B9D1: variants seen among roughly 807,000 people sequenced by gnomAD.
B9D1 encodes B9 domain containing 1.
In B9D1, 20 loss-of-function variants were observed where a neutral mutation model predicts 26.1. The ratio of observed to expected loss-of-function variants is 0.77; its 90% CI spans 0.54 to 1.12. B9D1 has a LOEUF of 1.12. B9D1 is among the 50% of genes most tolerant of loss of function. The pLI, the probability that B9D1 is intolerant of heterozygous loss-of-function variation, is 0.00. For synonymous variants in B9D1, 105 were observed against 103.1 expected (o/e 1.02, Z -0.11); for missense variants, 260 against 273.7 (o/e 0.95, Z 0.35).
chr17:19,351,348 T>C (rs1909582249), intron 3 of B9D1, among the ~76,000 whole-genome samples: 1 of 152,184 alleles, frequency 6.6e-6, no homozygotes, highest in South Asian at 2.1e-4. Context: ...ATATTATCCT[T>C]TTTTTATCTT....
chr17:19,360,356 G>A lies in B9D1; in HGVS notation c.96C>T (p.Tyr32=), dbSNP rs2152276201. 6.2e-7 allele frequency: 1 copy of A among 1,613,962 alleles called. No homozygotes were observed. Among genetic ancestry groups the A allele is most frequent in the Non-Finnish European group, 8.5e-7 (1 of 1,180,026 alleles). The part of the protein sequence containing the change: ...FPEYDDLYCK[Y]CFVYGQDWAP... Reference sequence around the variant, plus strand: ...CCCAGTCCTGGCCGTACACAAAGCAGTACTTGCAGTAGAGGTCATCATACT... The same window carrying A: ...CCCAGTCCTGGCCGTACACAAAGCAATACTTGCAGTAGAGGTCATCATACT... The change falls in exon 2 of 7, where the codon TAC becomes TAT. Residue 32 remains tyrosine (Y), a synonymous_variant. Coordinates refer to ENST00000261499, the MANE Select transcript of B9D1 (RefSeq NM_015681.6).
At chr17:19,342,106 A>G (rs202109299), downstream of B9D1, among the ~76,000 whole-genome samples, 33 of 152,296 alleles carry the variant, frequency 2.2e-4, no homozygotes, top group East Asian at 6.0e-3. Flanking sequence ...AGGCAAGGAC[A>G]CACCCCTGCT....
intron 3 of B9D1, among the ~76,000 whole-genome samples, chr17:19,352,917 T>A (rs930180807): frequency 1.4e-5 from 2 of 144,800 alleles, no homozygotes; most frequent in Non-Finnish European, 3.0e-5. Context: ...ATCCACCCGT[T>A]TTGGCCTCCG....
chr17:19,341,875 G>C (rs1318149570), downstream of B9D1, among the ~76,000 whole-genome samples: 1 of 152,166 alleles, frequency 6.6e-6, no homozygotes, highest in Admixed American at 6.5e-5. Flanking sequence ...AAGGAAAGAG[G>C]GGCTGATGGT....
Position 19,356,511 on chromosome 17 carries a change from T to G in B9D1, c.244+1329A>C, listed in dbSNP as rs1245734307. On this transcript the variant is annotated intron_variant, in intron 3 of 6. Transcript: ENST00000261499. ...AGCTGAAATCCCTGTGAGGCTGCTC[T>G]GCTTCCATCTCTCCCTTATTCCTAG... 1.1e-4 allele frequency among the ~76,000 whole-genome samples: 17 copies of G among 152,332 alleles called. No individual in the cohort carries two copies. The East Asian group carries it at 3.3e-3, about 29-fold the overall frequency.
At chr17:19,338,639 C>T (rs1907659156), downstream of B9D1, among the ~76,000 whole-genome samples, 2 of 152,322 alleles carry the variant, frequency 1.3e-5, no homozygotes, top group South Asian at 4.1e-4. Context: ...AATGCCTGCA[C>T]ATGGAGCTTG....
chr17:19,337,898 C>T, downstream of B9D1: 3 of 433,378 alleles, frequency 6.9e-6, no homozygotes, highest in South Asian at 3.9e-5. Flanking sequence ...TGCAGGCTTC[C>T]TTAGTGGTGG....
intron 5 of B9D1, among the ~76,000 whole-genome samples, chr17:19,344,253 G>A (rs1199155443): frequency 6.6e-6 from 1 of 152,196 alleles, no homozygotes; most frequent in Non-Finnish European, 1.5e-5. Flanking sequence ...GGAGGGGACA[G>A]TGTGACCCTC....
intron 1 of B9D1, among the ~76,000 whole-genome samples, chr17:19,368,878 G>A (rs1911735879): frequency 6.6e-6 from 1 of 152,134 alleles, no homozygotes; most frequent in African/African-American, 2.4e-5. Flanking sequence ...GCCAGGGTTT[G>A]AGGATGCAGT....
downstream of B9D1, among the ~76,000 whole-genome samples, chr17:19,338,765 A>G (rs1457533225): frequency 2.6e-5 from 4 of 152,218 alleles, no homozygotes; most frequent in Admixed American, 1.3e-4. Flanking sequence ...CATGAGCCCC[A>G]GACAACAGCC....
chr17:19,348,777 C>T (rs1909201200), intron 3 of B9D1, among the ~76,000 whole-genome samples: 1 of 152,236 alleles, frequency 6.6e-6, no homozygotes, highest in Admixed American at 6.5e-5. Flanking sequence ...TTATACAGTA[C>T]ATTTATTTTT....
downstream of B9D1, among the ~76,000 whole-genome samples, chr17:19,340,045 C>CA (rs1475136826): frequency 7.5e-6 from 1 of 133,418 alleles, no homozygotes; most frequent in South Asian, 2.6e-4. Flanking sequence ...CCCCCCCCCC[C>CA]CCCGGCTTCC....
chr17:19,338,247 G>A (rs1419202021), downstream of B9D1, among the ~76,000 whole-genome samples: 2 of 152,270 alleles, frequency 1.3e-5, no homozygotes, highest in African/African-American at 4.8e-5. Flanking sequence ...GGTGAGGAGG[G>A]AAAGGACCTG....
At chr17:19,376,561 C>T (rs1912114956) in intron 1 of B9D1, among the ~76,000 whole-genome samples, 1 of 131,666 alleles carries the variant, frequency 7.6e-6, no homozygotes, top group Non-Finnish European at 1.6e-5. Flanking sequence ...GCGTGGATGA[C>T]TTGAGGTCAG....
At chr17:19,342,533 G>A (rs769712379), downstream of B9D1, among the ~76,000 whole-genome samples, 80 of 152,136 alleles carry the variant, frequency 5.3e-4, no homozygotes, top group Non-Finnish European at 9.7e-4. Flanking sequence ...CGTGAGGTGC[G>A]AGGGGTTCTT....
At chr17:19,349,733 C>T (rs1909337885) in intron 3 of B9D1, among the ~76,000 whole-genome samples, 1 of 152,174 alleles carries the variant, frequency 6.6e-6, no homozygotes, top group Middle Eastern at 3.4e-3. Context: ...TATCCTGTGA[C>T]TTATCTTTTC....
chr17:19,367,511 C>T (rs1291561642), upstream of B9D1, among the ~76,000 whole-genome samples: 1 of 152,108 alleles, frequency 6.6e-6, no homozygotes, highest in African/African-American at 2.4e-5. Context: ...ACGGTTTCCC[C>T]ATGTTGGCCA....
At chr17:19,373,386 CTT>C (rs1462764244) in intron 1 of B9D1, among the ~76,000 whole-genome samples, 1 of 151,342 alleles carries the variant, frequency 6.6e-6, no homozygotes, top group African/African-American at 2.4e-5. Flanking sequence ...TTATATACCT[CTT>C]TTTTTTACTT....
intron 6 of B9D1, 156 bp downstream of exon 6, chr17:19,343,634 C>T: frequency 6.3e-7 from 1 of 1,580,694 alleles, no homozygotes; most frequent in Non-Finnish European, 8.6e-7. Flanking sequence ...CATGACAAAC[C>T]CTCTGTGCTC....
Sources: gnomAD v4.1 joint callset for allele counts (sites outside exome capture counted in the v4.1 genomes callset) on GRCh38, gnomAD v4.1.1 for gene constraint, MANE v1.5 for transcripts, NCBI Gene and HGNC (gene_info 2026-07-23, HGNC 2026-07-21) for gene names.